The following MEF2C variants were observed in gnomAD, a reference collection of about 807,000 sequenced individuals.
MEF2C encodes the protein myocyte enhancer factor 2C, also known as myocyte-specific enhancer factor 2C.
MEF2C carries 6 observed loss-of-function variants against 50.5 expected under a neutral mutation model. That is an observed-to-expected ratio of 0.12 (90% CI 0.07 to 0.23). The LOEUF is 0.23. MEF2C is among the 10% of genes least tolerant of loss of function. MEF2C has a pLI of 1.00. For missense variants in MEF2C, 276 were observed against 605.0 expected, an observed-to-expected ratio of 0.46 and a Z score of 5.70; for synonymous variants, 183 against 228.0, an observed-to-expected ratio of 0.80 and a Z score of 1.78.
At chr5:88,828,814 T>G (rs1811931713) in intron 1 of MEF2C, among the ~76,000 whole-genome samples, 1 of 151,968 alleles carries the variant, frequency 6.6e-6, no homozygotes, top group Non-Finnish European at 1.5e-5. Flanking sequence ...CTTCAAAAGG[T>G]ATAACCAAAT....
intron 5 of MEF2C, chr5:88,749,558 A>T (rs946831718): frequency 1.1e-6 from 1 of 916,918 alleles, no homozygotes; most frequent in Admixed American, 6.2e-5. Context: ...CGTTTCATGA[A>T]TCTACCCACA....
chr5:88,824,135 CATA>C (rs1187417663), intron 1 of MEF2C: 11 of 890,004 alleles, frequency 1.2e-5, no homozygotes, highest in Non-Finnish European at 1.5e-5. Context: ...AAAATGATCT[CATA>C]AGTAATTTAA....
chr5:88,748,234 T>A (rs1334713475), intron 6 of MEF2C: 1 of 975,150 alleles, frequency 1.0e-6, no homozygotes, highest in East Asian at 1.1e-4. Flanking sequence ...AATTAGGCTA[T>A]CCATGTCTAT....
intron 1 of MEF2C, among the ~76,000 whole-genome samples, chr5:88,896,940 A>G (rs990606260): frequency 9.2e-6 from 1 of 108,984 alleles, no homozygotes; most frequent in Non-Finnish European, 1.9e-5. Context: ...GAACTCAGTA[A>G]AGCTACACAC....
chr5:88,843,288 G>C, intron 1 of MEF2C: 1 of 939,600 alleles, frequency 1.1e-6, no homozygotes, highest in Admixed American at 6.3e-5. Flanking sequence ...TTATCCATGT[G>C]AGATGGATAG....
intron 3 of MEF2C, chr5:88,773,011 T>G (rs1783074928): frequency 1.4e-6 from 1 of 705,468 alleles, no homozygotes; most frequent in African/African-American, 1.9e-5. Context: ...AAGTGAAGTA[T>G]CAGGAGTGCA....
intron 1 of MEF2C, among the ~76,000 whole-genome samples, chr5:88,859,977 G>A (rs1207526895): frequency 6.6e-6 from 1 of 152,110 alleles, no homozygotes; most frequent in African/African-American, 2.4e-5. Context: ...AACCATACAG[G>A]TCTAATCATT....
intron 1 of MEF2C, among the ~76,000 whole-genome samples, chr5:88,855,531 G>A (rs1409190617): frequency 1.3e-5 from 2 of 152,110 alleles, no homozygotes; most frequent in African/African-American, 4.8e-5. Context: ...GATACAGTTT[G>A]GCTGTGTCCC....
chr5:88,878,206 C>A (rs1831706002), intron 1 of MEF2C, among the ~76,000 whole-genome samples: 1 of 151,958 alleles, frequency 6.6e-6, no homozygotes. Context: ...AGTGTCTACA[C>A]TTGGATGCTA....
intron 3 of MEF2C, chr5:88,766,509 T>C (rs1780128103): frequency 1.1e-5 from 3 of 266,932 alleles, no homozygotes; most frequent in African/African-American, 4.6e-5. Context: ...ATATTAATGC[T>C]ATTTAAGTAA....
intron 1 of MEF2C, among the ~76,000 whole-genome samples, chr5:88,889,989 G>C (rs1249346356): frequency 6.6e-6 from 1 of 152,224 alleles, no homozygotes; most frequent in Non-Finnish European, 1.5e-5. Flanking sequence ...GGGAGAGCAA[G>C]AGGGGCTCTG....
At chr5:88,792,191 T>C (rs1214599720) in intron 3 of MEF2C, among the ~76,000 whole-genome samples, 1 of 152,056 alleles carries the variant, frequency 6.6e-6, no homozygotes, top group Admixed American at 6.6e-5. Context: ...AAATTAAAAA[T>C]AGTAATAAGA....
intron 1 of MEF2C, chr5:88,838,588 TAC>T (rs1461921190): frequency 7.0e-5 from 69 of 985,176 alleles, no homozygotes; most frequent in Non-Finnish European, 8.2e-5. Context: ...AGATGAGAAT[TAC>T]ACAGATATCT....
intron 1 of MEF2C, among the ~76,000 whole-genome samples, chr5:88,837,186 A>G (rs1200161093): frequency 6.6e-6 from 1 of 152,166 alleles, no homozygotes; most frequent in Non-Finnish European, 1.5e-5. Flanking sequence ...GCTTCTTCCC[A>G]TTGACCAATG....
chr5:88,793,186 C>T (rs1396723508), intron 3 of MEF2C, among the ~76,000 whole-genome samples: 2 of 152,144 alleles, frequency 1.3e-5, no homozygotes, highest in Non-Finnish European at 2.9e-5. Flanking sequence ...TCAAGGATGA[C>T]TTTCCAAAGT....
At chr5:88,853,107 C>A (rs1336893253) in intron 1 of MEF2C, among the ~76,000 whole-genome samples, 1 of 152,052 alleles carries the variant, frequency 6.6e-6, no homozygotes, top group African/African-American at 2.4e-5. Context: ...GCTTGTAGTC[C>A]CAGCTACTCA....
intron 3 of MEF2C, among the ~76,000 whole-genome samples, chr5:88,787,788 C>T (rs941053161): frequency 6.6e-6 from 1 of 152,184 alleles, no homozygotes; most frequent in South Asian, 2.1e-4. Context: ...ACCGTGTGCA[C>T]GCATGATCTT....
chr5:88,852,149 T>C (rs1346438903), intron 1 of MEF2C, among the ~76,000 whole-genome samples: 1 of 152,192 alleles, frequency 6.6e-6, no homozygotes, highest in Non-Finnish European at 1.5e-5. Flanking sequence ...GAACTGTATG[T>C]TGAACTGTAT....
At chr5:88,781,747 G>C (rs1028094250) in intron 3 of MEF2C, among the ~76,000 whole-genome samples, 1 of 152,128 alleles carries the variant, frequency 6.6e-6, no homozygotes, top group Admixed American at 6.5e-5. Flanking sequence ...CGAGGCAAGC[G>C]GACCACTTGA....
Sources: gnomAD v4.1 joint callset for allele counts (sites outside exome capture counted in the v4.1 genomes callset) on GRCh38, gnomAD v4.1.1 for gene constraint, MANE v1.5 for transcripts, NCBI Gene and HGNC (gene_info 2026-07-23, HGNC 2026-07-21) for gene names.